NCALD: variants seen among roughly 807,000 people sequenced by gnomAD.
NCALD encodes the protein neurocalcin-delta.
NCALD carries 10 observed loss-of-function variants against 18.6 expected under a neutral mutation model. That is an observed-to-expected ratio of 0.54 (90% CI 0.33 to 0.91). The LOEUF is 0.91. Among genes scored for constraint, NCALD ranks in the 40% least tolerant of loss-of-function variants. The pLI is 0.03. For missense variants in NCALD, 184 were observed against 247.6 expected, an observed-to-expected ratio of 0.74 and a Z score of 1.72; for synonymous variants, 88 against 87.4, an observed-to-expected ratio of 1.01 and a Z score of -0.04.
intron 1 of NCALD, among the ~76,000 whole-genome samples, chr8:101,742,027 G>C (rs936746149): frequency 1.3e-5 from 2 of 151,596 alleles, no homozygotes; most frequent in African/African-American, 4.8e-5. Flanking sequence ...GCTGAGGTGG[G>C]AGGATCACGA....
intron 3 of NCALD, chr8:101,690,236 C>T (rs1814662625): frequency 2.0e-6 from 2 of 985,186 alleles, no homozygotes; most frequent in Non-Finnish European, 2.4e-6. Flanking sequence ...GACTGCAAGG[C>T]TTTTCCCATT....
intron 1 of NCALD, among the ~76,000 whole-genome samples, chr8:101,722,760 A>AT (rs1232221010): frequency 6.6e-6 from 1 of 152,200 alleles, no homozygotes; most frequent in African/African-American, 2.4e-5. Context: ...GTGTGCAGCT[A>AT]TTTTTTGGTA....
intron 4 of NCALD, among the ~76,000 whole-genome samples, chr8:101,843,582 G>GT (rs369393213): frequency 0.02 from 2,439 of 124,998 alleles, 92 homozygotes; most frequent in South Asian, 0.025. Flanking sequence ...TTTAAAAATT[G>GT]TTTTTTTTTT....
chr8:101,966,183 CA>C (rs199649928), intron 2 of NCALD, among the ~76,000 whole-genome samples: 129 of 134,412 alleles, frequency 9.6e-4, no homozygotes, highest in African/African-American at 1.7e-3. Flanking sequence ...GCAATCAAAG[CA>C]AAAAAAAAAG....
rs189794513 is a variant in NCALD at position 101,995,039 on chromosome 8, T to C, written c.-157+25198A>G. On this transcript the variant is annotated intron_variant, in intron 2 of 6. Transcript: ENST00000311028. The stretch of plus-strand genomic sequence containing the variant: ...TGGTAGGATTTCAACAAAGTTATAG[T>C]TTTTTTAAAAAGTTTGCTTCTTCTG... Among the ~76,000 whole-genome samples the C allele has an allele frequency of 5.2e-3, 786 of 151,428 alleles. 9 individuals carry two copies. The highest frequency in any genetic ancestry group is 0.018 in the African/African-American group (749 of 40,758).
chr8:102,100,904 G>A (rs959053915), intron 1 of NCALD, among the ~76,000 whole-genome samples: 2 of 152,192 alleles, frequency 1.3e-5, no homozygotes, highest in Non-Finnish European at 2.9e-5. Context: ...AGGAGGAAGT[G>A]GGGAGTTGTT....
chr8:101,822,479 C>A (rs182325331), intron 4 of NCALD, among the ~76,000 whole-genome samples: 1 of 152,296 alleles, frequency 6.6e-6, no homozygotes, highest in East Asian at 1.9e-4. Flanking sequence ...CAGAATCCTG[C>A]CAACTGGCTT....
At chr8:101,797,699 C>T (rs903639790) in intron 4 of NCALD, among the ~76,000 whole-genome samples, 1 of 151,828 alleles carries the variant, frequency 6.6e-6, no homozygotes, top group Non-Finnish European at 1.5e-5. Context: ...ACCTGTAGTC[C>T]CAGCTAATCC....
chr8:101,800,955 GGAGGGGAGAA>G (rs1368223201), intron 4 of NCALD, among the ~76,000 whole-genome samples: 4 of 103,246 alleles, frequency 3.9e-5, no homozygotes, highest in Non-Finnish European at 8.0e-5. Flanking sequence ...GGAGAAGAGG[GGAGGGGAGAA>G]GAGGGGAGGG....
chr8:101,838,975 A>T (rs898345442), intron 4 of NCALD, among the ~76,000 whole-genome samples: 6 of 152,234 alleles, frequency 3.9e-5, no homozygotes, highest in Non-Finnish European at 8.8e-5. Context: ...TCAACTACCC[A>T]TGTTATTGGG....
chr8:101,744,002 C>T (rs1375413989), intron 1 of NCALD, among the ~76,000 whole-genome samples: 3 of 152,164 alleles, frequency 2.0e-5, no homozygotes, highest in Admixed American at 1.3e-4. Flanking sequence ...ATGTAAACAG[C>T]CCAGAGCCTT....
chr8:102,095,987 T>C (rs779787808), intron 1 of NCALD, among the ~76,000 whole-genome samples: 35 of 152,338 alleles, frequency 2.3e-4, no homozygotes, highest in Non-Finnish European at 4.1e-4. Flanking sequence ...CTAAAGGTCC[T>C]GCATCCCAGG....
At chr8:101,804,617 A>ATATATAATTAATATAATTAATTATATAT (rs1813023630) in intron 4 of NCALD, among the ~76,000 whole-genome samples, 1 of 134,910 alleles carries the variant, frequency 7.4e-6, no homozygotes, top group Non-Finnish European at 1.5e-5. Context: ...TAATTATATA[A>ATATATAATTAATATAATTAATTATATAT]TATATAATTA....
intron 1 of NCALD, among the ~76,000 whole-genome samples, chr8:101,773,580 C>CT (rs1017829318): frequency 1.3e-5 from 2 of 152,142 alleles, no homozygotes; most frequent in African/African-American, 4.8e-5. Flanking sequence ...ACCTAGGAAG[C>CT]TTTTTCCCCG....
intron 1 of NCALD, among the ~76,000 whole-genome samples, chr8:101,775,410 G>A (rs532154258): frequency 7.2e-5 from 11 of 152,286 alleles, no homozygotes; most frequent in Admixed American, 3.9e-4. Flanking sequence ...GGCTCTCAAC[G>A]TTTAGCTGGT....
intron 3 of NCALD, among the ~76,000 whole-genome samples, chr8:101,894,874 G>C (rs1166752371): frequency 6.7e-6 from 1 of 150,288 alleles, no homozygotes; most frequent in South Asian, 2.1e-4. Context: ...ATAATCAATA[G>C]TTTACCAACC....
At chr8:101,949,548 G>A (rs545881863) in intron 2 of NCALD, among the ~76,000 whole-genome samples, 1 of 151,986 alleles carries the variant, frequency 6.6e-6, no homozygotes, top group African/African-American at 2.4e-5. Context: ...CGGCCTCCCC[G>A]TCTGTCATAT....
intron 1 of NCALD, among the ~76,000 whole-genome samples, chr8:102,024,458 A>T (rs1822385349): frequency 6.6e-6 from 1 of 152,216 alleles, no homozygotes; most frequent in Admixed American, 6.5e-5. Context: ...GATCTCCCTT[A>T]CCATTTACTG....
At chr8:101,775,442 G>C (rs574361532) in intron 1 of NCALD, among the ~76,000 whole-genome samples, 1 of 152,132 alleles carries the variant, frequency 6.6e-6, no homozygotes, top group Non-Finnish European at 1.5e-5. Context: ...ATCACCACAG[G>C]TTTTATAGAG....
Sources: gnomAD v4.1 joint callset for allele counts (sites outside exome capture counted in the v4.1 genomes callset) on GRCh38, gnomAD v4.1.1 for gene constraint, MANE v1.5 for transcripts, NCBI Gene and HGNC (gene_info 2026-07-23, HGNC 2026-07-21) for gene names.